Variants in SPOP observed in about 807,000 individuals in gnomAD.
SPOP encodes speckle-type POZ protein.
Under a neutral mutation model 45.6 loss-of-function variants are expected in SPOP, and 11 were observed. The observed-to-expected ratio is 0.24, with a 90% confidence interval of 0.15 to 0.40. The LOEUF is 0.40. Ranked by LOEUF, SPOP falls within the 10% of genes least tolerant of loss-of-function variation. SPOP has a pLI of 1.00. For synonymous variants in SPOP, 166 were observed against 166.3 expected, an observed-to-expected ratio of 1.00 and a Z score of 0.01; for missense variants, 152 against 465.6, an observed-to-expected ratio of 0.33 and a Z score of 6.20.
intron 1 of SPOP, among the ~76,000 whole-genome samples, chr17:49,664,057 T>C (rs114066256): frequency 0.011 from 1,625 of 152,304 alleles, 35 homozygotes; most frequent in African/African-American, 0.037. Flanking sequence ...TAAAATCACA[T>C]ATGGGTAAAA....
At chr17:49,637,142 G>A (rs1597951165) in intron 1 of SPOP, among the ~76,000 whole-genome samples, 1 of 152,008 alleles carries the variant, frequency 6.6e-6, no homozygotes, top group Non-Finnish European at 1.5e-5. Flanking sequence ...GAACCCGGTG[G>A]AGGAGGGACA....
chr17:49,669,666 T>C (rs568558375), intron 1 of SPOP, among the ~76,000 whole-genome samples: 1 of 144,674 alleles, frequency 6.9e-6, no homozygotes, highest in South Asian at 2.2e-4. Context: ...TCGGGAGGCT[T>C]AGGTAAGAGA....
At chr17:49,630,225 T>C (rs1352301117) in intron 1 of SPOP, among the ~76,000 whole-genome samples, 1 of 152,226 alleles carries the variant, frequency 6.6e-6, no homozygotes, top group East Asian at 1.9e-4. Flanking sequence ...GACTTTTGTA[T>C]ACTAATTTTT....
chr17:49,653,359 C>T (rs577332631), intron 1 of SPOP, among the ~76,000 whole-genome samples: 6 of 151,676 alleles, frequency 4.0e-5, no homozygotes, highest in Non-Finnish European at 8.9e-5. Context: ...TTTTTTATAT[C>T]CTCAAAACAA....
intron 1 of SPOP, among the ~76,000 whole-genome samples, chr17:49,677,593 G>T (rs774139078): frequency 6.6e-6 from 1 of 152,066 alleles, no homozygotes; most frequent in Non-Finnish European, 1.5e-5. Context: ...CGAAGAAGCA[G>T]CCCGAGCGCG....
rs2143267043 is a variant in SPOP, at chr17:49,619,170, C to T, written c.353-62G>A. ...CGCAAAAACCAGATCAAAGCCACAA[C>T]TTGTCAGTGTATGAAACTTCTGGAT... On this transcript the variant is annotated intron_variant, in intron 4 of 9. Transcript: ENST00000504102. The surrounding 1 kb of genome is among the most constrained non-coding windows in gnomAD (Gnocchi z 4.9). The T allele has an allele frequency of 4.3e-6, 7 of 1,613,580 alleles. No individual in the cohort carries two copies. The highest frequency in any genetic ancestry group is 5.9e-6 in the Non-Finnish European group (7 of 1,179,838).
intron 8 of SPOP, among the ~76,000 whole-genome samples, chr17:49,604,692 C>T (rs956102142): frequency 5.9e-5 from 9 of 152,160 alleles, no homozygotes; most frequent in African/African-American, 2.2e-4. Context: ...CTCTACTTGT[C>T]CGCCAACACA....
At chr17:49,654,544 T>TGAGGCC (rs1429613293) in intron 1 of SPOP, among the ~76,000 whole-genome samples, 1 of 152,170 alleles carries the variant, frequency 6.6e-6, no homozygotes, top group African/African-American at 2.4e-5. Context: ...TAGCACTTTG[T>TGAGGCC]GAGGCCGAGG....
rs933411486 is a variant in SPOP at position 49,622,974 on chromosome 17, ATTGT to A, written c.-66-102_-66-99del. The A allele has an allele frequency of 6.4e-5, 39 of 605,544 alleles. No individual in the cohort carries two copies. In the African/African-American group the frequency reaches 7.4e-4, roughly 11 times the overall value. 37.5% of individuals were successfully genotyped at this position (605,544 alleles called of 1,614,324 possible). ...TAGAGGCTGGAAATTTTGTCTCCAC[ATTGT>A]TTGAGTGGCTCCTTACCACTGAGGT... is the stretch of plus-strand genomic sequence containing the variant. On this transcript the variant is annotated intron_variant, in intron 1 of 9. Transcript: ENST00000504102.
chr17:49,666,455 AC>A (rs1421863102), intron 1 of SPOP, among the ~76,000 whole-genome samples: 1 of 42,612 alleles, frequency 2.3e-5, no homozygotes, highest in Non-Finnish European at 4.9e-5. Context: ...ACAGACACAC[AC>A]ACACACACAC....
intron 2 of SPOP, 137 bp from the exon 3 acceptor site, chr17:49,622,204 A>G (rs2143296992): frequency 1.8e-6 from 2 of 1,111,476 alleles, no homozygotes; most frequent in East Asian, 2.7e-5. Flanking sequence ...GGTTTTTCTC[A>G]CCTTATGTTC....
At position 49,619,116 on chromosome 17, in the gene SPOP, G is replaced by A. The variant is rs62079287; in HGVS notation, c.353-8C>T. 1.2e-6 allele frequency: 2 copies of A among 1,611,134 alleles called. No homozygotes were observed. The highest frequency in any genetic ancestry group is 8.5e-7 in the Non-Finnish European group (1 of 1,179,236). ...TATATGCCCGTTGACTCTCTGGGGT[G>A]GGGAAAAAAAAAGTCATATTTAAGG... On this transcript the variant is annotated splice_region_variant and splice_polypyrimidine_tract_variant and intron_variant, in intron 4 of 9. Coordinates refer to ENST00000504102, the MANE Select transcript of SPOP (RefSeq NM_001007228.2). The surrounding 1 kb of genome is among the most constrained non-coding windows in gnomAD (Gnocchi z 4.9).
chr17:49,603,186 G>A (rs1416720023), intron 8 of SPOP, among the ~76,000 whole-genome samples: 1 of 152,140 alleles, frequency 6.6e-6, no homozygotes, highest in Admixed American at 6.5e-5. Flanking sequence ...AAAAAAGAGA[G>A]GTTTTATTGG....
chr17:49,617,970 A>G (rs1302886878), intron 5 of SPOP, among the ~76,000 whole-genome samples: 8 of 151,804 alleles, frequency 5.3e-5, no homozygotes, highest in Admixed American at 6.6e-5. Flanking sequence ...TAAGCCTGCT[A>G]CCGACCGCTA....
intron 5 of SPOP, among the ~76,000 whole-genome samples, chr17:49,614,829 G>A (rs1309221852): frequency 6.6e-6 from 1 of 151,276 alleles, no homozygotes. Context: ...GTGTGTGTGT[G>A]TGTGTGTGTG....
chr17:49,631,196 T>C (rs944974117), intron 1 of SPOP, among the ~76,000 whole-genome samples: 2 of 152,148 alleles, frequency 1.3e-5, no homozygotes, highest in Non-Finnish European at 2.9e-5. Flanking sequence ...GGACTATTTA[T>C]AAAACACGTG....
At chr17:49,647,751 G>A (rs964107292) in intron 1 of SPOP, among the ~76,000 whole-genome samples, 20 of 152,112 alleles carry the variant, frequency 1.3e-4, no homozygotes, top group Admixed American at 1.0e-3. Flanking sequence ...AAAGTGCTAG[G>A]ATTATAGGTG....
At chr17:49,646,737 A>G (rs886853040) in intron 1 of SPOP, 1 of 152,210 alleles carries the variant, frequency 6.6e-6, no homozygotes, top group Non-Finnish European at 1.5e-5. Flanking sequence ...ACACAGAGCA[A>G]GCAAGTATTT....
At chr17:49,660,898 G>A (rs532847264) in intron 1 of SPOP, among the ~76,000 whole-genome samples, 1 of 152,294 alleles carries the variant, frequency 6.6e-6, no homozygotes, top group Non-Finnish European at 1.5e-5. Context: ...CCCGGGAGGC[G>A]GAGCTTGCAG....
Sources: gnomAD v4.1 joint callset for allele counts (sites outside exome capture counted in the v4.1 genomes callset) on GRCh38, gnomAD v4.1.1 for gene constraint, Gnocchi (gnomAD v3.1) non-coding constraint, MANE v1.5 for transcripts, NCBI Gene and HGNC (gene_info 2026-07-23, HGNC 2026-07-21) for gene names.